Variants in AHNAK2 observed in about 807,000 individuals in gnomAD.
The protein encoded by AHNAK2 is protein AHNAK2.
Under a neutral mutation model 30.7 loss-of-function variants are expected in AHNAK2, and 18 were observed. That is an observed-to-expected ratio of 0.59 (90% confidence interval 0.41 to 0.87). The LOEUF (loss-of-function observed/expected upper bound fraction) is 0.87. Ranked by LOEUF, AHNAK2 falls within the 40% of genes least tolerant of loss-of-function variation. The pLI is 0.00. For synonymous variants in AHNAK2, 3,590 were observed against 3,073.8 expected (o/e 1.17, Z -5.56); for missense variants, 8,604 against 7,373.0 (o/e 1.17, Z -6.11).
rs1566906683 is a variant in AHNAK2, at chr14:104,946,852, A to G, written c.8599T>C (p.Ser2867Pro). ...CCAGCCTGGACCTCCAGTTGGGCGGAGGGGGGCTGAATGCGGATGTCAGTG... is the reference window on the plus strand; with the variant it reads ...CCAGCCTGGACCTCCAGTTGGGCGGGGGGGGGCTGAATGCGGATGTCAGTG... ...KTTDIRIQPPSAQLEVQAGQV... is the reference protein window; with the variant it reads ...KTTDIRIQPPPAQLEVQAGQV... Residue 2867 changes from serine to proline, a missense_variant, in exon 7 of 7, where the codon TCC (serine) becomes CCC (proline). Physicochemically the swap from Ser to Pro is moderately conservative, Grantham distance 74. Coordinates refer to ENST00000333244, the MANE Select transcript of AHNAK2 (RefSeq NM_138420.4). 2 of 1,611,870 alleles carry G rather than the reference A, an allele frequency of 1.2e-6. No individual in the cohort carries two copies. Among genetic ancestry groups the G allele is most frequent in the African/African-American group, 2.7e-5 (2 of 74,070 alleles).
In AHNAK2 at chr14:104,943,229, C is replaced by T. The variant is rs1425355049; in HGVS notation, c.12222G>A (p.Lys4074=). 1 of 1,612,980 alleles carries T rather than the reference C, an allele frequency of 6.2e-7. No homozygotes were observed. The highest frequency in any genetic ancestry group is 1.1e-5 in the South Asian group (1 of 91,030). Residue 4074 remains lysine, a synonymous_variant, in exon 7 of 7, where the codon AAG becomes AAA. Coordinates refer to ENST00000333244, the MANE Select transcript of AHNAK2 (RefSeq NM_138420.4). ...GGCCTTTCAGGTCCAGCTTGGGGCC[C>T]TTAACATCTATCTGGGGGCCCTTGA... ...VDLKGPQIDV[K]GPKLDLKGPK... is the part of the protein sequence containing the mutation.
Position 104,953,702 on chromosome 14 carries a change from G to A in AHNAK2, c.1749C>T (p.Pro583=). The A allele has an allele frequency of 1.9e-6, 3 of 1,613,812 alleles. No individual in the cohort carries two copies. Among genetic ancestry groups the A allele is most frequent in the Non-Finnish European group, 2.5e-6 (3 of 1,179,880 alleles). ...ATCCTAAGGAGGGTATCTTGAACTTGGGCATTCTTATCTGTCCTTCTGTGT... is the reference window on the plus strand; with the variant it reads ...ATCCTAAGGAGGGTATCTTGAACTTAGGCATTCTTATCTGTCCTTCTGTGT... The part of the protein sequence containing the change: ...REDTEGQIRM[P]KFKIPSLGWS... The change falls in exon 7 of 7, where the codon CCC becomes CCT. Residue 583 remains proline (P), a synonymous_variant. Coordinates refer to ENST00000333244, the MANE Select transcript of AHNAK2 (RefSeq NM_138420.4).
rs1373367258 is a variant in AHNAK2, at chr14:104,946,007, G to A, written c.9444C>T (p.Phe3148=). 3.4e-6 allele frequency: 5 copies of A among 1,466,412 alleles called. 1 individual carries two copies. Among genetic ancestry groups the A allele is most frequent in the Middle Eastern group, 3.8e-4 (2 of 5,210 alleles). 90.8% of individuals were successfully genotyped at this position (1,466,412 alleles called of 1,614,324 possible). A position where few individuals can be genotyped will look rare whatever the true frequency, so the allele number is the denominator to read the frequency against. ...CAGACACCCCGAACGACGGCATCTTGAACTTGGGCATTTTGAACTTGCTGT... is the reference window on the plus strand; with the variant it reads ...CAGACACCCCGAACGACGGCATCTTAAACTTGGGCATTTTGAACTTGCTGT... The part of the protein sequence containing the change: ...AKDSKFKMPK[F]KMPSFGVSAP... The change falls in exon 7 of 7, where the codon TTC becomes TTT. Residue 3148 remains phenylalanine, a synonymous_variant. Transcript: ENST00000333244.
Position 104,938,323 on chromosome 14 carries a change from T to C in AHNAK2, c.17128A>G (p.Lys5710Glu). 6.2e-7 allele frequency: 1 copy of C among 1,613,980 alleles called. No homozygotes were observed. The highest frequency in any genetic ancestry group is 2.2e-5 in the East Asian group (1 of 44,880). ...PKLGFSSSPT[K>E]KSKSTEDGAE... is the part of the protein sequence containing the mutation. ...CCATCTTCGGTGCTTTTGCTTTTCT[T>C]GGTAGGAGATGAGGAGAACCCTAAT... Residue 5710 changes from lysine to glutamate, a missense_variant, in exon 7 of 7, where the codon AAG becomes GAG. Lys to Glu is a moderately conservative substitution (Grantham distance 56). Transcript: ENST00000333244.
rs780480946 is a variant in AHNAK2, at chr14:104,953,310, A to G, written c.2141T>C (p.Met714Thr). Residue 714 changes from methionine (M) to threonine (T), a missense_variant, in exon 7 of 7, where the codon ATG becomes ACG. By Grantham distance (81) the Met-to-Thr change is moderately conservative (BLOSUM62 -1). Transcript: ENST00000333244. ...KVEADVSLLS[M>T]QGDLKTTDLS... ...GTCAGTGGTCTTGAGGTCCCCCTGC[A>G]TGGAGAGGAGGCTCACGTCGGCCTC... The G allele has an allele frequency of 1.2e-6, 2 of 1,612,830 alleles. No homozygotes were observed. Among genetic ancestry groups the G allele is most frequent in the Non-Finnish European group, 1.7e-6 (2 of 1,179,652 alleles).
At position 104,952,013 on chromosome 14, in the gene AHNAK2, C is replaced by T; in HGVS notation, c.3438G>A (p.Glu1146=). Residue 1146 remains glutamate, a synonymous_variant, in exon 7 of 7, where the codon GAG becomes GAA. Transcript: ENST00000333244. Reference sequence around the variant, plus strand: ...CCTTGTCGGCCAGGGACAGTTCCCCCTCCAGCCGCGCACTGTCCAGCTTGG... The same window carrying T: ...CCTTGTCGGCCAGGGACAGTTCCCCTTCCAGCCGCGCACTGTCCAGCTTGG... ...PGAKLDSARL[E]GELSLADKDV... 8.7e-6 allele frequency: 14 copies of T among 1,612,212 alleles called. No homozygotes were observed. The highest frequency in any genetic ancestry group is 1.2e-5 in the Non-Finnish European group (14 of 1,179,522).
rs983610469 is a variant in AHNAK2, at chr14:104,947,065, C to G, written c.8386G>C (p.Glu2796Gln). 6.2e-7 allele frequency: 1 copy of G among 1,612,606 alleles called. No homozygotes were observed. Among genetic ancestry groups the G allele is most frequent in the African/African-American group, 1.3e-5 (1 of 74,282 alleles). The stretch of plus-strand genomic sequence containing the variant: ...TTGTCGGCCAGGGACAGGTCCCCCT[C>G]CAGCCGCGCACCATCCAGCTTTGCT... ...PRAKLDGARL[E>Q]GDLSLADKGM... The change falls in exon 7 of 7, where the codon GAG becomes CAG. Residue 2796 changes from glutamate to glutamine, a missense_variant. Coordinates refer to ENST00000333244, the MANE Select transcript of AHNAK2 (RefSeq NM_138420.4).
chr14:104,972,502 G>A lies in AHNAK2; in HGVS notation c.55+5681C>T, dbSNP rs149152860. ...CATGCCAGACACAGCACTGACCCCCGCAAGAGCCTTTGCTGGGGCCCCCAC... is the reference window on the plus strand; with the variant it reads ...CATGCCAGACACAGCACTGACCCCCACAAGAGCCTTTGCTGGGGCCCCCAC... On this transcript the variant is annotated intron_variant, in intron 1 of 6. Coordinates refer to ENST00000333244, the MANE Select transcript of AHNAK2 (RefSeq NM_138420.4). Among the ~76,000 whole-genome samples the A allele has an allele frequency of 5.8e-3, 885 of 152,280 alleles. 9 individuals are homozygous for A. Among genetic ancestry groups the A allele is most frequent in the African/African-American group, 0.02 (829 of 41,572 alleles).
rs146965608 is a variant in AHNAK2, at chr14:104,944,134, C to T, written c.11317G>A (p.Val3773Ile). The T allele has an allele frequency of 2.2e-3, 3,470 of 1,613,322 alleles. 56 individuals are homozygous for T. The African/African-American group carries it at 0.036, about 17-fold the overall frequency. Residue 3773 changes from valine (V) to isoleucine (I), a missense_variant, in exon 7 of 7, where the codon GTC (valine) becomes ATC (isoleucine). Physicochemically the swap from Val to Ile is conservative, Grantham distance 29. Transcript: ENST00000333244. ...TCCAGTTTGGCTCTTGGGGCCTGGACGTCCACCTCCACGCTGGGCAGAGAC... is the reference window on the plus strand; with the variant it reads ...TCCAGTTTGGCTCTTGGGGCCTGGATGTCCACCTCCACGCTGGGCAGAGAC... ...EVSLPSVEVD[V>I]QAPRAKLDSA...
chr14:104,952,250 C>T lies in AHNAK2; in HGVS notation c.3201G>A (p.Pro1067=), dbSNP rs536223749. The T allele has an allele frequency of 2.5e-5, 41 of 1,612,560 alleles. 1 individual carries two copies. The highest frequency in any genetic ancestry group is 1.7e-4 in the African/African-American group (13 of 74,374). ...CAGCTCCCTCGGGCAGGTGGCCCTCCGGGAGCTTCACATCCACCTGGTCAG... is the reference window on the plus strand; with the variant it reads ...CAGCTCCCTCGGGCAGGTGGCCCTCTGGGAGCTTCACATCCACCTGGTCAG... ...VQADQVDVKL[P]EGHLPEGAGL... The change falls in exon 7 of 7, where the codon CCG becomes CCA. Residue 1067 remains proline (P), a synonymous_variant. Transcript: ENST00000333244.
rs1350348969 is a variant in AHNAK2 at position 104,938,386 on chromosome 14, T to C, written c.17065A>G (p.Lys5689Glu). 6.2e-7 allele frequency: 1 copy of C among 1,613,886 alleles called. No individual in the cohort carries two copies. ...AACCAGCCTGCCTTCTCCTGTTTTT[T>C]AGGCAGTTCTGCCTCTGGTCGTGCC... is the stretch of plus-strand genomic sequence containing the variant. ...PEARPEAELP[K>E]KQEKAGWFRF... Residue 5689 changes from lysine to glutamate, a missense_variant, in exon 7 of 7, where the codon AAA becomes GAA. Lys to Glu is a moderately conservative substitution (Grantham distance 56). Coordinates refer to ENST00000333244, the MANE Select transcript of AHNAK2 (RefSeq NM_138420.4).
chr14:104,970,505 A>G (rs1280370636), intron 1 of AHNAK2: 2 of 985,304 alleles, frequency 2.0e-6, no homozygotes, highest in Admixed American at 6.2e-5. Context: ...GAAGATCCCA[A>G]CTGGCCACCT....
chr14:104,948,623 A>C lies in AHNAK2; in HGVS notation c.6828T>G (p.Asp2276Glu). The C allele has an allele frequency of 6.2e-7, 1 of 1,611,370 alleles. No individual in the cohort carries two copies. The highest frequency in any genetic ancestry group is 8.5e-7 in the Non-Finnish European group (1 of 1,179,354). ...CCACGCTGGGCAGAGACACCTCCAC[A>C]TCAGGGGCTGTCACTTCCACCTTGG... The part of the protein sequence containing the change: ...KDPKVEVTAP[D>E]VEVSLPSVEV... Residue 2276 changes from aspartate to glutamate, a missense_variant, in exon 7 of 7, where the codon GAT becomes GAG. Physicochemically the swap from Asp to Glu is conservative, Grantham distance 45. Coordinates refer to ENST00000333244, the MANE Select transcript of AHNAK2 (RefSeq NM_138420.4).
chr14:104,947,291 G>C lies in AHNAK2; in HGVS notation c.8160C>G (p.His2720Gln), dbSNP rs373499038. 1.5e-5 allele frequency: 24 copies of C among 1,610,656 alleles called. No individual in the cohort carries two copies. The highest frequency in any genetic ancestry group is 2.2e-5 in the South Asian group (2 of 90,974). The change falls in exon 7 of 7, where the codon CAC (histidine) becomes CAG (glutamine). Residue 2720 changes from histidine to glutamine, a missense_variant. Physicochemically the swap from His to Gln is conservative, Grantham distance 24 (BLOSUM62 0). Coordinates refer to ENST00000333244, the MANE Select transcript of AHNAK2 (RefSeq NM_138420.4). ...CTTTGAGGCCGGCTCCCTCGGGAAC[G>C]TGGCCCTCTGGGAGTTTCACATCCA... Reference protein sequence around the residue: ...GQVDVKLPEGHVPEGAGLKGH... With the variant: ...GQVDVKLPEGQVPEGAGLKGH...
chr14:104,948,982 T>G lies in AHNAK2; in HGVS notation c.6469A>C (p.Lys2157Gln). 1 of 1,244,994 alleles carries G rather than the reference T, an allele frequency of 8.0e-7. No individual in the cohort carries two copies. Among genetic ancestry groups the G allele is most frequent in the Non-Finnish European group, 1.1e-6 (1 of 878,792 alleles). 77.1% of individuals were successfully genotyped at this position (1,244,994 alleles called of 1,614,324 possible). A position where few individuals can be genotyped will look rare whatever the true frequency, so the allele number is the denominator to read the frequency against. Residue 2157 changes from lysine to glutamine, a missense_variant, in exon 7 of 7, where the codon AAG becomes CAG. Lys to Gln is a moderately conservative substitution (Grantham distance 53, BLOSUM62 1). Transcript: ENST00000333244. ...ACCCCAAACGACGGCATCTTGAACT[T>G]GGGCATTTTGAACTTGCTGTCTTTG... is the stretch of plus-strand genomic sequence containing the variant. The part of the protein sequence containing the change: ...TTKDSKFKMP[K>Q]FKMPSFGVSA...
intron 4 of AHNAK2, 118 bp downstream of exon 4, chr14:104,956,470 C>A (rs1264401693): frequency 4.0e-6 from 4 of 996,108 alleles, no homozygotes; most frequent in Middle Eastern, 2.1e-4. Context: ...CTCCCCAGGG[C>A]ACGGGGCACA....
At chr14:104,967,274 T>C (rs112287636) in intron 1 of AHNAK2, among the ~76,000 whole-genome samples, 6,680 of 151,738 alleles carry the variant, frequency 0.044, 163 homozygotes, top group Middle Eastern at 0.088. Flanking sequence ...GGGCAGCTGC[T>C]GTGAGGCCCA....
Position 104,954,052 on chromosome 14 carries a change from A to C in AHNAK2, c.1399T>G (p.Leu467Val). 1 of 1,613,446 alleles carries C rather than the reference A, an allele frequency of 6.2e-7. No individual in the cohort carries two copies. Among genetic ancestry groups the C allele is most frequent in the South Asian group, 1.1e-5 (1 of 91,070 alleles). The change falls in exon 7 of 7, where the codon TTG becomes GTG. Residue 467 changes from leucine (L) to valine (V), a missense_variant. Coordinates refer to ENST00000333244, the MANE Select transcript of AHNAK2 (RefSeq NM_138420.4). This position sits in a 1 kb window ranked among gnomAD's most constrained non-coding sequence, Gnocchi z 4.3. ...SLEIGIARLS[L>V]RDTTEGGTQI... is the part of the protein sequence containing the mutation. ...GTGCCTCCTTCGGTTGTGTCTCTCA[A>C]GGACAGTCTGGCGATCCCGATTTCC...
Position 104,954,941 on chromosome 14 carries a change from G to C in AHNAK2, c.651+16C>G. 1 of 1,602,740 alleles carries C rather than the reference G, an allele frequency of 6.2e-7. No individual in the cohort carries two copies. The highest frequency in any genetic ancestry group is 1.1e-5 in the South Asian group (1 of 90,256). ...AAGCCAGCTGGGGCCCTGCCCCCCG[G>C]GCATAGTGGTCTCACCTCCTTCTCC... is the stretch of plus-strand genomic sequence containing the variant. On this transcript the variant is annotated intron_variant, in intron 6 of 6. Transcript: ENST00000333244. This position sits in a 1 kb window ranked among gnomAD's most constrained non-coding sequence, Gnocchi z 4.3.
Sources: gnomAD v4.1 joint callset for allele counts (sites outside exome capture counted in the v4.1 genomes callset) on GRCh38, gnomAD v4.1.1 for gene constraint, Gnocchi (gnomAD v3.1) non-coding constraint, MANE v1.5 for transcripts, NCBI Gene and HGNC (gene_info 2026-07-23, HGNC 2026-07-21) for gene names.